RAI14: variants seen among roughly 807,000 people sequenced by gnomAD.
The protein encoded by RAI14 is ankycorbin.
A neutral mutation model predicts 115.4 loss-of-function variants in RAI14; 45 were observed. The observed-to-expected ratio is 0.39, with a 90% CI of 0.31 to 0.50. RAI14 has a LOEUF of 0.50. Among genes scored for constraint, RAI14 ranks in the 20% least tolerant of loss-of-function variants. The pLI, the probability that RAI14 is intolerant of heterozygous loss-of-function variation, is 0.85. For synonymous variants in RAI14, 371 were observed against 415.4 expected, an observed-to-expected ratio of 0.89 and a Z score of 1.30; for missense variants, 939 against 1,131.2, an observed-to-expected ratio of 0.83 and a Z score of 2.44.
intron 17 of RAI14, among the ~76,000 whole-genome samples, chr5:34,830,145 T>C (rs1330074497): frequency 6.6e-6 from 1 of 152,112 alleles, no homozygotes; most frequent in Non-Finnish European, 1.5e-5. Context: ...CCACCGTACC[T>C]GGCAAATTTT....
At chr5:34,752,713 G>C (rs1747220694) in intron 2 of RAI14, among the ~76,000 whole-genome samples, 2 of 75,522 alleles carry the variant, frequency 2.6e-5, no homozygotes, top group Non-Finnish European at 5.8e-5. Context: ...ATGTGTGTGT[G>C]TGTGTGTGTG....
intron 2 of RAI14, among the ~76,000 whole-genome samples, chr5:34,706,419 A>T (rs906984459): frequency 1.4e-4 from 21 of 152,208 alleles, no homozygotes; most frequent in African/African-American, 5.1e-4. Context: ...AATGTCACTT[A>T]AGGATTATTT....
At chr5:34,675,646 G>T (rs1416341276) in intron 1 of RAI14, among the ~76,000 whole-genome samples, 2 of 152,086 alleles carry the variant, frequency 1.3e-5, no homozygotes, top group Non-Finnish European at 2.9e-5. Context: ...AGCTACTCAG[G>T]AGGCTGAGGT....
At chr5:34,666,096 G>A (rs1743187838) in intron 1 of RAI14, among the ~76,000 whole-genome samples, 1 of 152,194 alleles carries the variant, frequency 6.6e-6, no homozygotes, top group South Asian at 2.1e-4. Flanking sequence ...AGTTGGGTCT[G>A]TTCTGTCTTC....
At chr5:34,693,186 G>T (rs1738841778) in intron 2 of RAI14, among the ~76,000 whole-genome samples, 1 of 152,162 alleles carries the variant, frequency 6.6e-6, no homozygotes, top group Non-Finnish European at 1.5e-5. Flanking sequence ...ACCTTCTGAG[G>T]TTAGGGGGAG....
At position 34,796,550 on chromosome 5, in the gene RAI14, G is replaced by A. The variant is rs530930547; in HGVS notation, c.256+523G>A. 8.5e-5 allele frequency among the ~76,000 whole-genome samples: 13 copies of A among 152,268 alleles called. No homozygotes were observed. In the South Asian group the frequency reaches 2.7e-3, roughly 32 times the overall value. ...TCATGTGGTTAGTCAACTAGAGACTGTATGCTTCTTATCCTCATTTTTTAT... is the reference window on the plus strand; with the variant it reads ...TCATGTGGTTAGTCAACTAGAGACTATATGCTTCTTATCCTCATTTTTTAT... On this transcript the variant is annotated intron_variant, in intron 4 of 17. Coordinates refer to ENST00000265109, the MANE Select transcript of RAI14 (RefSeq NM_015577.3).
chr5:34,685,697 T>C (rs1311088531), intron 1 of RAI14: 1 of 152,160 alleles, frequency 6.6e-6, no homozygotes, highest in Non-Finnish European at 1.5e-5. Context: ...TGTCTGAGGC[T>C]CTGTTGCTAC....
chr5:34,730,659 A>C (rs1298518964), intron 2 of RAI14, among the ~76,000 whole-genome samples: 4 of 152,046 alleles, frequency 2.6e-5, no homozygotes, highest in African/African-American at 9.7e-5. Flanking sequence ...TTGGGAGACA[A>C]ACTGAGACCC....
chr5:34,697,312 T>C (rs1342487652), intron 2 of RAI14, among the ~76,000 whole-genome samples: 1 of 151,866 alleles, frequency 6.6e-6, no homozygotes, highest in East Asian at 1.9e-4. Context: ...GGTACATAAC[T>C]GTAATCCCAG....
At chr5:34,691,986 G>A (rs1738658421) in intron 2 of RAI14, among the ~76,000 whole-genome samples, 1 of 152,192 alleles carries the variant, frequency 6.6e-6, no homozygotes, top group African/African-American at 2.4e-5. Context: ...TTGGCGGTGG[G>A]GTGTGGTGGC....
intron 1 of RAI14, among the ~76,000 whole-genome samples, chr5:34,657,582 C>T (rs142376921): frequency 1.5e-4 from 23 of 152,322 alleles, no homozygotes; most frequent in Middle Eastern, 3.4e-3. Flanking sequence ...GCCTCGGGAC[C>T]AGCGGCTTCT....
At chr5:34,793,029 G>A (rs149991445) in intron 3 of RAI14, among the ~76,000 whole-genome samples, 3 of 152,274 alleles carry the variant, frequency 2.0e-5, no homozygotes, top group East Asian at 1.9e-4. Context: ...GCTATCACAC[G>A]ATTTATTAAA....
intron 1 of RAI14, among the ~76,000 whole-genome samples, chr5:34,673,991 C>T (rs1013390251): frequency 9.2e-5 from 14 of 152,102 alleles, no homozygotes; most frequent in African/African-American, 2.4e-4. Context: ...GAAGGCTGTG[C>T]CCTGTTGATC....
chr5:34,659,908 T>A lies in RAI14; in HGVS notation c.-49+3433T>A, dbSNP rs112203689. Among the ~76,000 whole-genome samples the A allele has an allele frequency of 3.3e-5, 5 of 152,296 alleles. 1 individual carries two copies. The highest frequency in any genetic ancestry group is 1.2e-4 in the African/African-American group (5 of 41,566). ...ATTAAGAAAAGTGGGACTGGTGTAG[T>A]GTTGCATGCCTGTAATCCCAGCACT... On this transcript the variant is annotated intron_variant, in intron 1 of 17. Transcript: ENST00000265109.
intron 1 of RAI14, among the ~76,000 whole-genome samples, chr5:34,681,919 G>A (rs1233737866): frequency 2.0e-5 from 3 of 148,282 alleles, no homozygotes; most frequent in Non-Finnish European, 3.0e-5. Flanking sequence ...GCAGTGGCAC[G>A]ATCTTGGCTC....
intron 3 of RAI14, among the ~76,000 whole-genome samples, chr5:34,782,851 G>T (rs946246646): frequency 6.6e-6 from 1 of 152,198 alleles, no homozygotes; most frequent in Admixed American, 6.5e-5. Flanking sequence ...CTCCATAGGG[G>T]AATAATCAAT....
intron 3 of RAI14, among the ~76,000 whole-genome samples, chr5:34,779,017 T>G (rs566960778): frequency 1.3e-5 from 2 of 152,202 alleles, no homozygotes; most frequent in South Asian, 4.2e-4. Flanking sequence ...TCAAAAAGCT[T>G]ATCCACCAAG....
intron 2 of RAI14, among the ~76,000 whole-genome samples, chr5:34,751,164 T>G (rs1344339383): frequency 6.7e-6 from 1 of 149,128 alleles, no homozygotes; most frequent in Non-Finnish European, 1.5e-5. Flanking sequence ...ATTTTTTTTT[T>G]TTTTTTTAAT....
At chr5:34,728,510 G>C (rs1352970015) in intron 2 of RAI14, 2 of 152,156 alleles carry the variant, frequency 1.3e-5, no homozygotes, top group African/African-American at 4.8e-5. Context: ...CTGTTCTCGT[G>C]ATAGTGAATA....
Sources: allele counts gnomAD v4.1 joint callset (sites outside exome capture counted in the v4.1 genomes callset), GRCh38; gene constraint gnomAD v4.1.1; transcripts MANE v1.5; gene names NCBI Gene and HGNC (gene_info 2026-07-23, HGNC 2026-07-21).